The following STAT4 variants were observed in gnomAD, a reference collection of about 807,000 sequenced individuals.
The protein encoded by STAT4 is signal transducer and activator of transcription 4.
In STAT4, 42 loss-of-function variants were observed where a neutral mutation model predicts 110.5. The observed-to-expected ratio is 0.38, with a 90% CI of 0.30 to 0.49. The LOEUF (loss-of-function observed/expected upper bound fraction) is 0.49, where lower values mean the gene tolerates loss of function less well. Among genes scored for constraint, STAT4 ranks in the 20% least tolerant of loss-of-function variants. The probability of loss-of-function intolerance (pLI) is 0.95; values close to 1 mark genes in which losing one functional copy is unlikely to be tolerated. For missense variants in STAT4, 632 were observed against 887.9 expected, an observed-to-expected ratio of 0.71 and a Z score of 3.66; for synonymous variants, 284 against 302.2, an observed-to-expected ratio of 0.94 and a Z score of 0.63.
At chr2:191,054,350 C>T (rs1446779108) in intron 14 of STAT4, 140 bp downstream of exon 14, 3 of 667,132 alleles carry the variant, frequency 4.5e-6, no homozygotes, top group Non-Finnish European at 7.4e-6. Flanking sequence ...ATATTGTCTG[C>T]AATTATCAAG....
Position 191,062,627 on chromosome 2 carries a change from T to C in STAT4, c.941+135A>G. 2 of 881,346 alleles carry C rather than the reference T, an allele frequency of 2.3e-6. No individual in the cohort carries two copies. The highest frequency in any genetic ancestry group is 3.4e-6 in the Non-Finnish European group (2 of 583,058). 54.6% of individuals were successfully genotyped at this position (881,346 alleles called of 1,614,324 possible). On this transcript the variant is annotated intron_variant, in intron 9 of 23. Transcript: ENST00000392320. This position sits in a 1 kb window ranked among gnomAD's most constrained non-coding sequence, Gnocchi z 4.9. ...TAGAAATGTGGTTTCTAAAACTTTC[T>C]GGGGTTCTATTCACTTCTCCCTGAG...
rs1353168902 is a variant in STAT4, at chr2:191,090,929, A to G, written c.274-14604T>C. Among the ~76,000 whole-genome samples, 1 of 152,122 alleles carries G rather than the reference A, an allele frequency of 6.6e-6. No homozygotes were observed. The highest frequency in any genetic ancestry group is 1.5e-5 in the Non-Finnish European group (1 of 68,026). ...TAAAGGTATCAAGTATGTCTTCTAC[A>G]AGGTCTGAGTACATTTCCTGCAGAA... On this transcript the variant is annotated intron_variant, in intron 3 of 23. Transcript: ENST00000392320. The surrounding 1 kb of genome is among the most constrained non-coding windows in gnomAD (Gnocchi z 4.2).
In STAT4 at chr2:191,107,245, C is replaced by G. The variant is rs1473682449; in HGVS notation, c.274-30920G>C. Reference sequence around the variant, plus strand: ...TATCCCCAGGGTCAAACCTAGCATGCTGACCTCAATATGTACTTGAAGCAT... The same window carrying G: ...TATCCCCAGGGTCAAACCTAGCATGGTGACCTCAATATGTACTTGAAGCAT... On this transcript the variant is annotated intron_variant, in intron 3 of 23. Transcript: ENST00000392320. The surrounding 1 kb of genome is among the most constrained non-coding windows in gnomAD (Gnocchi z 4.2). 6.6e-6 allele frequency among the ~76,000 whole-genome samples: 1 copy of G among 152,306 alleles called. No homozygotes were observed. The highest frequency in any genetic ancestry group is 1.9e-4 in the East Asian group (1 of 5,188).
At chr2:191,052,665 AGTTCAGGATAATGATGCTTAGTCT>A (rs71971244) in intron 14 of STAT4, among the ~76,000 whole-genome samples, 10,804 of 152,268 alleles carry the variant, frequency 0.071, 458 homozygotes, top group Middle Eastern at 0.12. Context: ...ACTTAAGACA[AGTTCAGGATAATGATGCTTAGTCT>A]GTTCAGATTC....
intron 3 of STAT4, among the ~76,000 whole-genome samples, chr2:191,136,005 G>GAAAAAAAAAA (rs745380203): frequency 1.3e-5 from 1 of 79,782 alleles, no homozygotes; most frequent in Non-Finnish European, 2.4e-5. Context: ...CAGCATCTCA[G>GAAAAAAAAAA]AAAAAAAAAA....
rs1053594151 is a variant in STAT4, at chr2:191,077,948, G to T, written c.274-1623C>A. On this transcript the variant is annotated intron_variant, in intron 3 of 23. Coordinates refer to ENST00000392320, the MANE Select transcript of STAT4 (RefSeq NM_003151.4). This position sits in a 1 kb window ranked among gnomAD's most constrained non-coding sequence, Gnocchi z 4.1. ...CGGGGATACCATTTTTTCCATTTCC[G>T]TGTGTCGACAATTTCAGATTCTCTC... Among the ~76,000 whole-genome samples, 1 of 151,818 alleles carries T rather than the reference G, an allele frequency of 6.6e-6. No individual in the cohort carries two copies. Among genetic ancestry groups the T allele is most frequent in the Non-Finnish European group, 1.5e-5 (1 of 67,978 alleles).
Position 191,099,295 on chromosome 2 carries a change from A to G in STAT4, c.274-22970T>C, listed in dbSNP as rs997988495. Among the ~76,000 whole-genome samples the G allele has an allele frequency of 1.3e-5, 2 of 152,180 alleles. No homozygotes were observed. The highest frequency in any genetic ancestry group is 2.4e-5 in the African/African-American group (1 of 41,460). On this transcript the variant is annotated intron_variant, in intron 3 of 23. Coordinates refer to ENST00000392320, the MANE Select transcript of STAT4 (RefSeq NM_003151.4). This position sits in a 1 kb window ranked among gnomAD's most constrained non-coding sequence, Gnocchi z 4.1. The stretch of plus-strand genomic sequence containing the variant: ...TGTGAATTTTACAACCTATTAGGAA[A>G]GAAATCTCAAAATATCAGAATTTAA...
At chr2:191,126,376 T>G (rs1247520413) in intron 3 of STAT4, among the ~76,000 whole-genome samples, 1 of 152,232 alleles carries the variant, frequency 6.6e-6, no homozygotes, top group Non-Finnish European at 1.5e-5. Flanking sequence ...ATAAACATTT[T>G]CTAAAAACTT....
At position 191,053,998 on chromosome 2, in the gene STAT4, C is replaced by T. The variant is rs1387720899; in HGVS notation, c.1251+492G>A. ...CAAAAACTAGCCAGGTATGGTGGCA[C>T]ATGCCTATAGTCCCAGCTACTTGCA... On this transcript the variant is annotated intron_variant, in intron 14 of 23. Transcript: ENST00000392320. The surrounding 1 kb of genome is among the most constrained non-coding windows in gnomAD (Gnocchi z 4.5). 2.6e-5 allele frequency among the ~76,000 whole-genome samples: 4 copies of T among 151,944 alleles called. No homozygotes were observed. Among genetic ancestry groups the T allele is most frequent in the Non-Finnish European group, 5.9e-5 (4 of 67,988 alleles).
In STAT4 at chr2:191,083,854, G is replaced by A. The variant is rs1432285566; in HGVS notation, c.274-7529C>T. Among the ~76,000 whole-genome samples, 1 of 152,046 alleles carries A rather than the reference G, an allele frequency of 6.6e-6. No homozygotes were observed. Among genetic ancestry groups the A allele is most frequent in the Non-Finnish European group, 1.5e-5 (1 of 68,016 alleles). On this transcript the variant is annotated intron_variant, in intron 3 of 23. Transcript: ENST00000392320. This position sits in a 1 kb window ranked among gnomAD's most constrained non-coding sequence, Gnocchi z 4.6. ...TGCCTTTCAAGTTCGCATGATTTTA[G>A]TAATCTTTGATGAAAAAAAGACAGT... is the stretch of plus-strand genomic sequence containing the variant.
rs971864932 is a variant in STAT4, at chr2:191,059,001, T to G, written c.1035-232A>C. Among the ~76,000 whole-genome samples the G allele has an allele frequency of 6.6e-6, 1 of 152,140 alleles. No homozygotes were observed. Among genetic ancestry groups the G allele is most frequent in the Non-Finnish European group, 1.5e-5 (1 of 68,008 alleles). ...AGCATTATTGGCAAACATTTGGAAG[T>G]GTTTCCATATTGCTTCAGTTGATGT... On this transcript the variant is annotated intron_variant, in intron 10 of 23. Transcript: ENST00000392320. This position sits in a 1 kb window ranked among gnomAD's most constrained non-coding sequence, Gnocchi z 4.7.
chr2:191,068,481 G>T (rs1461610112), intron 6 of STAT4: 1 of 152,126 alleles, frequency 6.6e-6, no homozygotes, highest in Admixed American at 6.6e-5. Flanking sequence ...TATATCAGGA[G>T]AAGAACCCAA....
In STAT4 at chr2:191,031,057, T is replaced by C. The variant is rs752431273; in HGVS notation, c.2135A>G (p.His712Arg). ...CATGGGAAGAAGGTCTGATGGAGAA[T>C]GTGGCTCTGTTGAATCACTTCGGCT... is the stretch of plus-strand genomic sequence containing the variant. ...STIRSDSTEP[H>R]SPSDLLPMSP... Residue 712 changes from histidine (H) to arginine (R), a missense_variant, in exon 23 of 24, where the codon CAT becomes CGT. By Grantham distance (29) the His-to-Arg change is conservative (BLOSUM62 0). Around this residue, in one of 4 missense-constraint regions of STAT4, gnomAD observed 32 missense variants for 67.6 expected, o/e 0.47. Coordinates refer to ENST00000392320, the MANE Select transcript of STAT4 (RefSeq NM_003151.4). This position sits in a 1 kb window ranked among gnomAD's most constrained non-coding sequence, Gnocchi z 4.8. 1 of 1,614,018 alleles carries C rather than the reference T, an allele frequency of 6.2e-7. No homozygotes were observed. The highest frequency in any genetic ancestry group is 8.5e-7 in the Non-Finnish European group (1 of 1,179,866).
intron 3 of STAT4, among the ~76,000 whole-genome samples, chr2:191,114,510 C>G (rs1177423025): frequency 4.6e-5 from 7 of 152,122 alleles, no homozygotes; most frequent in African/African-American, 1.7e-4. Flanking sequence ...TTCTCACCTC[C>G]TCCGTTAAGT....
At position 191,142,478 on chromosome 2, in the gene STAT4, T is replaced by A. The variant is rs948134322; in HGVS notation, c.273+4135A>T. Among the ~76,000 whole-genome samples the A allele has an allele frequency of 2.6e-5, 4 of 151,782 alleles. No individual in the cohort carries two copies. Among genetic ancestry groups the A allele is most frequent in the African/African-American group, 9.7e-5 (4 of 41,290 alleles). On this transcript the variant is annotated intron_variant, in intron 3 of 23. Coordinates refer to ENST00000392320, the MANE Select transcript of STAT4 (RefSeq NM_003151.4). The surrounding 1 kb of genome is among the most constrained non-coding windows in gnomAD (Gnocchi z 4.1). ...GGAAGGGTGGGTGGATGGAGGGAAA[T>A]GAAAAGAGCCTGGTTAATGGGTACA...
chr2:191,030,670 G>C lies in STAT4; in HGVS notation c.2220+302C>G. Reference sequence around the variant, plus strand: ...AAGTAGAGAGTGGTGGGGAGTGAGGGGGCCCATGGTGCAAGCAGCGATAGT... The same window carrying C: ...AAGTAGAGAGTGGTGGGGAGTGAGGCGGCCCATGGTGCAAGCAGCGATAGT... On this transcript the variant is annotated intron_variant, in intron 23 of 23. Transcript: ENST00000392320. This position sits in a 1 kb window ranked among gnomAD's most constrained non-coding sequence, Gnocchi z 4.4. The C allele has an allele frequency of 3.9e-6, 1 of 257,578 alleles. No individual in the cohort carries two copies. Among genetic ancestry groups the C allele is most frequent in the Non-Finnish European group, 7.6e-6 (1 of 130,856 alleles). 16.0% of individuals were successfully genotyped at this position (257,578 alleles called of 1,614,324 possible). A position where few individuals can be genotyped will look rare whatever the true frequency, so the allele number is the denominator to read the frequency against.
chr2:191,065,025 A>G, intron 7 of STAT4, 67 bp from the exon 8 acceptor site: 1 of 1,423,174 alleles, frequency 7.0e-7, no homozygotes, highest in Non-Finnish European at 9.3e-7. Context: ...TCAATTTACA[A>G]AACTATTTGA....
At chr2:191,122,273 G>C (rs769502589) in intron 3 of STAT4, among the ~76,000 whole-genome samples, 5 of 150,250 alleles carry the variant, frequency 3.3e-5, no homozygotes, top group Non-Finnish European at 7.4e-5. Flanking sequence ...TCAGGATAAT[G>C]GAAATTAAAA....
At chr2:191,087,347 A>G (rs1475009581) in intron 3 of STAT4, among the ~76,000 whole-genome samples, 1 of 152,198 alleles carries the variant, frequency 6.6e-6, no homozygotes, top group East Asian at 1.9e-4. Context: ...AGTGGGGACT[A>G]AAGGAAATTA....
Sources: allele counts gnomAD v4.1 joint callset (sites outside exome capture counted in the v4.1 genomes callset), GRCh38; gene constraint gnomAD v4.1.1; regional missense constraint gnomAD v4.1.1; non-coding constraint Gnocchi (gnomAD v3.1); transcripts MANE v1.5; gene names NCBI Gene and HGNC (gene_info 2026-07-23, HGNC 2026-07-21).